Variants in COLEC10 observed in about 807,000 individuals in gnomAD.
The protein encoded by COLEC10 is collectin subfamily member 10.
In COLEC10, 22 loss-of-function variants were observed where a neutral mutation model predicts 28.4. The ratio of observed to expected loss-of-function variants is 0.78; its 90% CI spans 0.55 to 1.11. The LOEUF is 1.11. Among genes scored for constraint, COLEC10 ranks in the 50% least tolerant of loss-of-function variants. The pLI is 0.00. For synonymous variants in COLEC10, 125 were observed against 116.1 expected (o/e 1.08, Z -0.49); for missense variants, 361 against 344.1 (o/e 1.05, Z -0.39).
chr8:119,089,989 G>A (rs1457321835), intron 2 of COLEC10, among the ~76,000 whole-genome samples: 3 of 152,146 alleles, frequency 2.0e-5, no homozygotes, highest in African/African-American at 7.2e-5. Flanking sequence ...GGGACACTGG[G>A]AGCCCCAGGG....
the COLEC10 span, chr8:118,982,688 A>T: frequency 6.1e-6 from 1 of 164,706 alleles, no homozygotes; most frequent in Non-Finnish European, 1.4e-5. Flanking sequence ...TTTCCTGGTG[A>T]TTCATATTAA....
intron 1 of COLEC10, among the ~76,000 whole-genome samples, chr8:119,070,315 T>G (rs887494482): frequency 5.3e-5 from 8 of 152,186 alleles, no homozygotes; most frequent in African/African-American, 1.9e-4. Flanking sequence ...TCTCCCTATC[T>G]AAGTCTGTTA....
the COLEC10 span, among the ~76,000 whole-genome samples, chr8:118,958,715 G>A: frequency 8.5e-5 from 13 of 152,206 alleles, no homozygotes; most frequent in Non-Finnish European, 1.8e-4. Context: ...TCAAAGAGAT[G>A]TTTGTACCTT....
intron 2 of COLEC10, among the ~76,000 whole-genome samples, chr8:119,061,380 C>T (rs185881182): frequency 6.7e-6 from 1 of 149,484 alleles, no homozygotes; most frequent in East Asian, 2.0e-4. Flanking sequence ...TTAGCCAATA[C>T]AGTAAATGCT....
At chr8:119,014,525 C>T (rs1029166851) in intron 2 of COLEC10, among the ~76,000 whole-genome samples, 1 of 150,464 alleles carries the variant, frequency 6.6e-6, no homozygotes. Flanking sequence ...AGTTTGAATA[C>T]AACATCCTAG....
chr8:119,027,031 T>C (rs1273391827), intron 2 of COLEC10, among the ~76,000 whole-genome samples: 2 of 152,156 alleles, frequency 1.3e-5, no homozygotes, highest in East Asian at 1.9e-4. Flanking sequence ...CACCTTGGGA[T>C]GAATGCTTGA....
chr8:119,013,668 A>G (rs1234097919), intron 2 of COLEC10, among the ~76,000 whole-genome samples: 1 of 150,696 alleles, frequency 6.6e-6, no homozygotes, highest in Non-Finnish European at 1.5e-5. Flanking sequence ...AGGCATATAC[A>G]TATTAAGTAT....
chr8:119,068,894 A>C (rs1020196490), intron 1 of COLEC10: 3 of 152,014 alleles, frequency 2.0e-5, no homozygotes, highest in Non-Finnish European at 4.4e-5. Flanking sequence ...CAGAGCCTGG[A>C]AACTGTATCA....
At chr8:118,954,260 T>A in the COLEC10 span, among the ~76,000 whole-genome samples, 9 of 152,368 alleles carry the variant, frequency 5.9e-5, no homozygotes, top group Non-Finnish European at 1.3e-4. Flanking sequence ...GTGTATTGAT[T>A]GTGCATCTCA....
intron 4 of COLEC10, 31 bp downstream of exon 4, chr8:119,102,432 C>T: frequency 1.3e-6 from 2 of 1,552,984 alleles, no homozygotes; most frequent in Non-Finnish European, 1.8e-6. Flanking sequence ...TCTTTGATTT[C>T]TAGCATGATT....
intron 1 of COLEC10, among the ~76,000 whole-genome samples, chr8:119,006,547 G>T (rs1297650224): frequency 6.6e-6 from 1 of 151,950 alleles, no homozygotes; most frequent in Non-Finnish European, 1.5e-5. Context: ...TTAACAAAGG[G>T]GCTGACACAT....
At chr8:119,015,851 A>G (rs1813982227) in intron 2 of COLEC10, among the ~76,000 whole-genome samples, 1 of 152,156 alleles carries the variant, frequency 6.6e-6, no homozygotes, top group Non-Finnish European at 1.5e-5. Context: ...TACATGCTGT[A>G]CTAGAAAATG....
chr8:118,991,110 T>C (rs1418770025), upstream of COLEC10, among the ~76,000 whole-genome samples: 3 of 152,152 alleles, frequency 2.0e-5, no homozygotes, highest in East Asian at 1.9e-4. Flanking sequence ...TTATTAATCA[T>C]ATAATAAATA....
intron 1 of COLEC10, among the ~76,000 whole-genome samples, chr8:119,074,895 T>C (rs1815196302): frequency 6.6e-6 from 1 of 152,178 alleles, no homozygotes; most frequent in Admixed American, 6.5e-5. Flanking sequence ...CTCAGATTTC[T>C]CATCAGTAAC....
intron 3 of COLEC10, 52 bp downstream of exon 3, chr8:119,091,272 G>A (rs1043115238): frequency 2.6e-5 from 35 of 1,339,300 alleles, no homozygotes; most frequent in East Asian, 2.1e-4. Flanking sequence ...AATTGAGGCC[G>A]GGTACGATGG....
At chr8:119,002,239 T>C (rs1813714998) in intron 1 of COLEC10, among the ~76,000 whole-genome samples, 1 of 152,152 alleles carries the variant, frequency 6.6e-6, no homozygotes, top group African/African-American at 2.4e-5. Flanking sequence ...TAAAATATGC[T>C]TCAAAAGTGT....
chr8:119,004,437 C>T (rs1165124951), intron 1 of COLEC10, among the ~76,000 whole-genome samples: 1 of 151,694 alleles, frequency 6.6e-6, no homozygotes, highest in Admixed American at 6.6e-5. Context: ...TTTCTGACGC[C>T]ATTGTTTATT....
chr8:119,060,607 C>A (rs1814838570), intron 2 of COLEC10, among the ~76,000 whole-genome samples: 1 of 152,040 alleles, frequency 6.6e-6, no homozygotes, highest in South Asian at 2.1e-4. Flanking sequence ...TTTCTTAAAT[C>A]CCTTTCTTAA....
At chr8:119,006,118 A>T (rs1198226312) in intron 1 of COLEC10, among the ~76,000 whole-genome samples, 1 of 152,070 alleles carries the variant, frequency 6.6e-6, no homozygotes, top group East Asian at 1.9e-4. Flanking sequence ...TCTCTGACTC[A>T]GATGTCTCTT....
Sources: gnomAD v4.1 joint callset for allele counts (sites outside exome capture counted in the v4.1 genomes callset) on GRCh38, gnomAD v4.1.1 for gene constraint, MANE v1.5 for transcripts, NCBI Gene and HGNC (gene_info 2026-07-23, HGNC 2026-07-21) for gene names.